The following TRIM5 variants were observed in gnomAD, a reference collection of about 807,000 sequenced individuals.
TRIM5 encodes the protein tripartite motif containing 5, also known as tripartite motif-containing protein 5.
Under a neutral mutation model 35.6 loss-of-function variants are expected in TRIM5, and 31 were observed. The observed-to-expected ratio is 0.87, with a 90% CI of 0.65 to 1.18. The LOEUF is 1.18. Ranked by LOEUF, TRIM5 falls within the 50% of genes most tolerant of loss-of-function variation. The probability of loss-of-function intolerance (pLI) is 0.00; values close to 1 mark genes in which losing one functional copy is unlikely to be tolerated. For synonymous variants in TRIM5, 243 were observed against 215.6 expected, an observed-to-expected ratio of 1.13 and a Z score of -1.11; for missense variants, 609 against 591.6, an observed-to-expected ratio of 1.03 and a Z score of -0.31.
the TRIM5 span, chr11:5,603,463 GA>G: frequency 6.2e-7 from 1 of 1,614,144 alleles, no homozygotes; most frequent in Non-Finnish European, 8.5e-7. Flanking sequence ...GATTGGTCAA[GA>G]AGGGGAAAGA....
chr11:5,675,280 C>A (rs181066911), intron 4 of TRIM5, among the ~76,000 whole-genome samples: 23 of 152,042 alleles, frequency 1.5e-4, no homozygotes, highest in Admixed American at 1.2e-3. Context: ...TTAAACATTT[C>A]AAGATGATGA....
downstream of TRIM5, among the ~76,000 whole-genome samples, chr11:5,661,757 G>C (rs1017214089): frequency 6.6e-6 from 1 of 152,140 alleles, no homozygotes; most frequent in Non-Finnish European, 1.5e-5. Flanking sequence ...TGAGAAGACG[G>C]AGTGTAACTC....
the TRIM5 span, among the ~76,000 whole-genome samples, chr11:5,613,297 C>CCGTT: frequency 6.6e-6 from 1 of 152,206 alleles, no homozygotes; most frequent in Admixed American, 6.5e-5. Flanking sequence ...CTGGCCCCTG[C>CCGTT]CGTTAGTCCT....
the TRIM5 span, chr11:5,634,629 A>T: frequency 6.2e-7 from 1 of 1,609,988 alleles, no homozygotes; most frequent in Non-Finnish European, 8.5e-7. Context: ...CCATCCTTGC[A>T]GTATCAGGTA....
chr11:5,618,053 G>A, the TRIM5 span, among the ~76,000 whole-genome samples: 2 of 152,096 alleles, frequency 1.3e-5, no homozygotes, highest in African/African-American at 4.8e-5. Context: ...GTACTTTATT[G>A]GAATATCACC....
downstream of TRIM5, among the ~76,000 whole-genome samples, chr11:5,662,060 A>G (rs773786053): frequency 4.6e-5 from 7 of 152,218 alleles, no homozygotes; most frequent in Non-Finnish European, 1.0e-4. Context: ...ACAGGAAAGC[A>G]GAGGTAAAAG....
In TRIM5 at chr11:5,664,425, T is replaced by C. The variant is rs1487749595; in HGVS notation, c.*384A>G. On this transcript the variant is annotated 3_prime_UTR_variant, in exon 8 of 8. Transcript: ENST00000380034. Reference sequence around the variant, plus strand: ...TGACACAGGGCTAAGGACTCATTCATTGGTGAACAATTATCACACGATGAT... The same window carrying C: ...TGACACAGGGCTAAGGACTCATTCACTGGTGAACAATTATCACACGATGAT... The C allele has an allele frequency of 1.4e-5, 14 of 1,010,252 alleles. No homozygotes were observed. The highest frequency in any genetic ancestry group is 5.1e-5 in the Admixed American group (1 of 19,480). 62.6% of individuals were successfully genotyped at this position (1,010,252 alleles called of 1,614,324 possible).
the TRIM5 span, chr11:5,603,598 C>A: frequency 1.9e-6 from 3 of 1,613,830 alleles, no homozygotes; most frequent in Non-Finnish European, 2.5e-6. Context: ...GAAAGCAGTT[C>A]TTTGTGCAGA....
At chr11:5,673,652 T>C (rs1235611854) in intron 4 of TRIM5, among the ~76,000 whole-genome samples, 2 of 152,160 alleles carry the variant, frequency 1.3e-5, no homozygotes, top group Non-Finnish European at 2.9e-5. Flanking sequence ...TAAAACATTT[T>C]CCTGCTCATG....
At chr11:5,632,565 G>A in the TRIM5 span, 1 of 1,613,864 alleles carries the variant, frequency 6.2e-7, no homozygotes, top group Non-Finnish European at 8.5e-7. Flanking sequence ...CCAACATAGT[G>A]GAGAGACTCA....
chr11:5,605,432 G>C, the TRIM5 span: 1 of 1,614,168 alleles, frequency 6.2e-7, no homozygotes, highest in Non-Finnish European at 8.5e-7. Context: ...TGAAAAAGCT[G>C]GAACAGGAAG....
At chr11:5,676,212 T>A (rs541999765) in intron 4 of TRIM5, among the ~76,000 whole-genome samples, 1 of 152,176 alleles carries the variant, frequency 6.6e-6, no homozygotes, top group South Asian at 2.1e-4. Context: ...TTTGGGTATA[T>A]ACCCAGTAAT....
At chr11:5,596,799 G>A in the TRIM5 span, 42 of 1,597,652 alleles carry the variant, frequency 2.6e-5, no homozygotes, top group Non-Finnish European at 2.9e-5. Flanking sequence ...AGCGCGCTCT[G>A]TTCCTTAAGA....
At chr11:5,618,547 T>C in the TRIM5 span, among the ~76,000 whole-genome samples, 1 of 152,220 alleles carries the variant, frequency 6.6e-6, no homozygotes, top group Non-Finnish European at 1.5e-5. Context: ...TGAAAGCTTA[T>C]GTTGAAAAAC....
chr11:5,652,342 A>T, the TRIM5 span, among the ~76,000 whole-genome samples: 1 of 152,164 alleles, frequency 6.6e-6, no homozygotes, highest in Non-Finnish European at 1.5e-5. Flanking sequence ...TGACTTTTGT[A>T]TATGATATAA....
the TRIM5 span, among the ~76,000 whole-genome samples, chr11:5,602,135 T>C: frequency 1.3e-5 from 2 of 152,288 alleles, no homozygotes; most frequent in Middle Eastern, 3.4e-3. Flanking sequence ...AAGATCTGTA[T>C]TAAGTGGTGT....
At chr11:5,588,711 GAT>G in the TRIM5 span, among the ~76,000 whole-genome samples, 1 of 150,764 alleles carries the variant, frequency 6.6e-6, no homozygotes, top group Non-Finnish European at 1.5e-5. Context: ...CATCAATTGT[GAT>G]TAGAATTAAA....
chr11:5,660,295 G>A (rs12787432), downstream of TRIM5, among the ~76,000 whole-genome samples: 94,301 of 151,976 alleles, frequency 0.62, 29,984 homozygotes, highest in African/African-American at 0.76. Context: ...TTTCAAAGCA[G>A]CAAGTACATA....
chr11:5,611,496 C>G, the TRIM5 span: 1 of 708,366 alleles, frequency 1.4e-6, no homozygotes, highest in Non-Finnish European at 2.3e-6. Flanking sequence ...CTCTGTCGCC[C>G]AGGCTGGAGT....
Sources: allele counts gnomAD v4.1 joint callset (sites outside exome capture counted in the v4.1 genomes callset), GRCh38; gene constraint gnomAD v4.1.1; transcripts MANE v1.5; gene names NCBI Gene and HGNC (gene_info 2026-07-23, HGNC 2026-07-21).